The following TENM2 variants were observed in gnomAD, a reference collection of about 807,000 sequenced individuals.
The protein encoded by TENM2 is teneurin transmembrane protein 2, also known as teneurin-2.
A neutral mutation model predicts 245.2 loss-of-function variants in TENM2; 52 were observed. The observed-to-expected ratio is 0.21, with a 90% CI of 0.17 to 0.27. The LOEUF (loss-of-function observed/expected upper bound fraction) is 0.27. Ranked by LOEUF, TENM2 falls within the 10% of genes least tolerant of loss-of-function variation. The pLI, the probability that TENM2 is intolerant of heterozygous loss-of-function variation, is 1.00. For missense variants in TENM2, 3,046 were observed against 3,666.8 expected (o/e 0.83, Z 4.37); for synonymous variants, 1,363 against 1,438.9 (o/e 0.95, Z 1.19).
intron 2 of TENM2, among the ~76,000 whole-genome samples, chr5:167,516,345 AAG>A (rs1329074725): frequency 6.6e-6 from 1 of 152,132 alleles, no homozygotes; most frequent in Non-Finnish European, 1.5e-5. Flanking sequence ...ATGAAAAACA[AAG>A]AGTGGAAAAG....
intron 2 of TENM2, among the ~76,000 whole-genome samples, chr5:167,723,696 C>G (rs1759794987): frequency 6.6e-6 from 1 of 152,154 alleles, no homozygotes; most frequent in Non-Finnish European, 1.5e-5. Context: ...GTTCCCTGTC[C>G]TAATAGTCTT....
At chr5:167,314,832 A>C (rs1039179301) in intron 1 of TENM2, among the ~76,000 whole-genome samples, 2 of 152,126 alleles carry the variant, frequency 1.3e-5, no homozygotes, top group Non-Finnish European at 2.9e-5. Context: ...CTAACAAATT[A>C]ATAGTTTTCA....
At chr5:168,035,892 T>G (rs753479238) in intron 5 of TENM2, among the ~76,000 whole-genome samples, 1 of 152,196 alleles carries the variant, frequency 6.6e-6, no homozygotes, top group Admixed American at 6.5e-5. Context: ...AAAAAGTAAC[T>G]GCCTCGTGAG....
chr5:167,332,168 G>T (rs1757498012), intron 1 of TENM2, among the ~76,000 whole-genome samples: 1 of 152,062 alleles, frequency 6.6e-6, no homozygotes, highest in Admixed American at 6.5e-5. Flanking sequence ...AAAAAAATTT[G>T]GGCGTTACGA....
At chr5:167,782,423 C>A (rs1471266893) in intron 2 of TENM2, among the ~76,000 whole-genome samples, 1 of 151,676 alleles carries the variant, frequency 6.6e-6, no homozygotes, top group Admixed American at 6.6e-5. Flanking sequence ...TAAAGCAAAT[C>A]CTGCTTTAGA....
rs139851844 is a variant in TENM2 at position 167,593,504 on chromosome 5, A to G, written c.502+218031A>G. 8.2e-4 allele frequency among the ~76,000 whole-genome samples: 125 copies of G among 152,356 alleles called. 1 individual carries two copies. Among genetic ancestry groups the G allele is most frequent in the African/African-American group, 2.9e-3 (120 of 41,588 alleles). On this transcript the variant is annotated intron_variant, in intron 2 of 28. Transcript: ENST00000518659. ...ACTGCATCTGGAGAATTTAGGCCCT[A>G]TAAACCTTGGCCCTTTGCCAAATTG...
At chr5:167,125,102 A>C in the TENM2 span, among the ~76,000 whole-genome samples, 1 of 152,242 alleles carries the variant, frequency 6.6e-6, no homozygotes, top group Non-Finnish European at 1.5e-5. Context: ...AAAAGAGTCC[A>C]GCAAACTGTG....
At chr5:167,669,397 C>T (rs1307896742) in intron 2 of TENM2, among the ~76,000 whole-genome samples, 2 of 152,104 alleles carry the variant, frequency 1.3e-5, no homozygotes, top group African/African-American at 2.4e-5. Flanking sequence ...ACATGTCTTG[C>T]TCAAGAAAAG....
At chr5:167,201,062 C>T in the TENM2 span, among the ~76,000 whole-genome samples, 1 of 152,144 alleles carries the variant, frequency 6.6e-6, no homozygotes, top group Non-Finnish European at 1.5e-5. Context: ...CATGTCTTCT[C>T]TGCCAGTGGT....
chr5:167,062,775 G>T, the TENM2 span, among the ~76,000 whole-genome samples: 1 of 152,174 alleles, frequency 6.6e-6, no homozygotes, highest in African/African-American at 2.4e-5. Flanking sequence ...ATAGGGTATT[G>T]TGGTGGAGTG....
chr5:167,876,026 A>G (rs1344988579), exon 3 of TENM2: 1 of 1,551,324 alleles, frequency 6.4e-7, no homozygotes, highest in Admixed American at 2.0e-5. Flanking sequence ...GTCTCCTCCC[A>G]TCTGCTCAGC....
intron 2 of TENM2, among the ~76,000 whole-genome samples, chr5:167,601,093 T>G (rs1256433165): frequency 6.6e-6 from 1 of 152,210 alleles, no homozygotes; most frequent in Non-Finnish European, 1.5e-5. Flanking sequence ...TTCAATCCAT[T>G]TGGGCAGTAA....
chr5:167,430,605 A>C (rs765582310), intron 2 of TENM2, among the ~76,000 whole-genome samples: 58 of 152,312 alleles, frequency 3.8e-4, no homozygotes, highest in South Asian at 1.0e-3. Flanking sequence ...AACCAGAGAG[A>C]ATGGGAGGTG....
chr5:167,211,801 A>C, the TENM2 span, among the ~76,000 whole-genome samples: 1 of 152,098 alleles, frequency 6.6e-6, no homozygotes, highest in Non-Finnish European at 1.5e-5. Flanking sequence ...AATTAAATTG[A>C]TTATATACTA....
intron 2 of TENM2, among the ~76,000 whole-genome samples, chr5:167,818,190 T>C (rs72494509): frequency 0.019 from 2,871 of 152,300 alleles, 89 homozygotes; most frequent in East Asian, 0.15. Flanking sequence ...CTCTTAATGT[T>C]CTCAGTTTTT....
At chr5:168,206,726 C>G (rs994052831) in intron 19 of TENM2, among the ~76,000 whole-genome samples, 2 of 152,130 alleles carry the variant, frequency 1.3e-5, no homozygotes, top group African/African-American at 4.8e-5. Flanking sequence ...GGAAAGCCTC[C>G]TTTTCTCAGG....
At chr5:167,455,763 G>A (rs1765881833) in intron 2 of TENM2, among the ~76,000 whole-genome samples, 1 of 152,060 alleles carries the variant, frequency 6.6e-6, no homozygotes, top group Non-Finnish European at 1.5e-5. Flanking sequence ...GACCGTTCAA[G>A]GGTGATTATA....
the TENM2 span, among the ~76,000 whole-genome samples, chr5:167,216,795 T>A: frequency 6.6e-6 from 1 of 152,124 alleles, no homozygotes; most frequent in Middle Eastern, 3.4e-3. Flanking sequence ...TGTGTGGTGG[T>A]GCACATCTGT....
chr5:167,056,145 C>T, the TENM2 span, among the ~76,000 whole-genome samples: 13 of 151,932 alleles, frequency 8.6e-5, no homozygotes, highest in African/African-American at 2.7e-4. Context: ...CAAATGCTTT[C>T]TCTGAATTTA....
Sources: allele counts gnomAD v4.1 joint callset (sites outside exome capture counted in the v4.1 genomes callset), GRCh38; gene constraint gnomAD v4.1.1; transcripts MANE v1.5; gene names NCBI Gene and HGNC (gene_info 2026-07-23, HGNC 2026-07-21).